The following MSN variants were observed in gnomAD, a reference collection of about 807,000 sequenced individuals.
MSN encodes epididymis luminal protein 70.
A neutral mutation model predicts 48.0 loss-of-function variants in MSN; 2 were observed. The ratio of observed to expected loss-of-function variants is 0.04; its 90% confidence interval spans 0.02 to 0.13. The LOEUF (loss-of-function observed/expected upper bound fraction) is 0.13, where lower values mean the gene tolerates loss of function less well. MSN is among the 10% of genes least tolerant of loss of function. MSN has a pLI of 1.00. For missense variants in MSN, 267 were observed against 470.1 expected, an observed-to-expected ratio of 0.57 and a Z score of 3.99; for synonymous variants, 146 against 166.9, an observed-to-expected ratio of 0.87 and a Z score of 0.97.
chrX:65,592,355 C>T (rs1278853353), intron 1 of MSN, among the ~76,000 whole-genome samples: 1 of 108,433 alleles, frequency 9.2e-6, no homozygotes, highest in Non-Finnish European at 1.9e-5. Context: ...GCCACCACAC[C>T]CAGCTAATTT....
intron 1 of MSN, among the ~76,000 whole-genome samples, chrX:65,660,094 G>T (rs764270483): frequency 2.7e-4 from 30 of 111,653 alleles, no homozygotes; most frequent in Non-Finnish European, 3.2e-4. Context: ...CCTCTGCTCT[G>T]CTCTGGAGAC....
chrX:65,613,915 C>T, intron 1 of MSN, among the ~76,000 whole-genome samples: 2 of 111,947 alleles, frequency 1.8e-5, no homozygotes, highest in Admixed American at 1.9e-4. Context: ...GTTGCAATTG[C>T]TTTTGGTGTT....
chrX:65,599,920 C>T (rs1207254124), intron 1 of MSN, among the ~76,000 whole-genome samples: 2 of 110,531 alleles, frequency 1.8e-5, no homozygotes, highest in African/African-American at 3.3e-5. Flanking sequence ...TGAAGATTCC[C>T]TCTGGCAGGC....
chrX:65,702,735 G>A (rs1385976141), intron 1 of MSN, among the ~76,000 whole-genome samples: 1 of 111,602 alleles, frequency 9.0e-6, no homozygotes, highest in East Asian at 2.8e-4. Flanking sequence ...GGAGTTTGGA[G>A]GTCCCAGTGG....
At chrX:65,646,290 C>T (rs2070694632) in intron 1 of MSN, among the ~76,000 whole-genome samples, 2 of 111,857 alleles carry the variant, frequency 1.8e-5, no homozygotes, top group South Asian at 7.4e-4. Flanking sequence ...GTTTTAACTT[C>T]CTGATCTTCA....
At position 65,589,144 on chromosome X, in the gene MSN, ACT is replaced by A. The variant is rs1234226394; in HGVS notation, c.-22+537_-22+538del. ...TCCCTGTCACTCCCATTTTCACTCC[ACT>A]CTCTATCCCCTGCACTTAGCCTCCC... On this transcript the variant is annotated intron_variant, in intron 1 of 3. Coordinates refer to the MSN transcript ENST00000609672. 4 of 122,887 alleles carry A rather than the reference ACT, an allele frequency of 3.3e-5. No individual in the cohort carries two copies. In the East Asian group the frequency reaches 6.1e-4, roughly 19 times the overall value. The allele number at this position is 122,887 out of a possible 1,213,427, so 10.1% of individuals were successfully genotyped here.
chrX:65,685,530 G>A (rs190513841), intron 1 of MSN, among the ~76,000 whole-genome samples: 1,348 of 112,275 alleles, frequency 0.012, 16 homozygotes, highest in African/African-American at 0.041. Context: ...TGGTCCGATG[G>A]TAGTGGGTTA....
upstream of MSN, among the ~76,000 whole-genome samples, chrX:65,665,401 C>T (rs2070859936): frequency 1.8e-5 from 2 of 111,888 alleles, no homozygotes; most frequent in Admixed American, 9.5e-5. Context: ...GACAACTGCT[C>T]ATGGAGACTG....
intron 1 of MSN, among the ~76,000 whole-genome samples, chrX:65,620,456 G>A (rs2070428538): frequency 8.8e-6 from 1 of 113,886 alleles, no homozygotes; most frequent in Non-Finnish European, 1.9e-5. Flanking sequence ...ATTCGGGTGG[G>A]AGTGACCCGA....
chrX:65,634,558 A>G (rs2070584295), intron 1 of MSN, among the ~76,000 whole-genome samples: 1 of 111,169 alleles, frequency 9.0e-6, no homozygotes. Context: ...GGTTGTAGTG[A>G]GCCGAGATCG....
At chrX:65,613,297 C>T (rs2070337377) in intron 1 of MSN, among the ~76,000 whole-genome samples, 1 of 114,863 alleles carries the variant, frequency 8.7e-6, no homozygotes, top group Non-Finnish European at 1.9e-5. Flanking sequence ...TGGGTTGGTT[C>T]CAAGTCTATG....
chrX:65,648,059 G>A (rs2070708002), intron 1 of MSN, among the ~76,000 whole-genome samples: 1 of 107,274 alleles, frequency 9.3e-6, no homozygotes, highest in African/African-American at 3.4e-5. Flanking sequence ...GACATAGAGA[G>A]AAGCAGACAG....
chrX:65,599,581 C>A (rs778032286), intron 1 of MSN, among the ~76,000 whole-genome samples: 1 of 112,458 alleles, frequency 8.9e-6, no homozygotes, highest in Admixed American at 9.4e-5. Context: ...TGCAGTGAGC[C>A]GAGATAGCGC....
chrX:65,692,933 G>T (rs1419384348), intron 1 of MSN, among the ~76,000 whole-genome samples: 2 of 111,762 alleles, frequency 1.8e-5, no homozygotes, highest in Non-Finnish European at 3.8e-5. Context: ...TCCCACCTCG[G>T]CCAGCGTTGT....
At chrX:65,646,472 G>A (rs1407004425) in intron 1 of MSN, among the ~76,000 whole-genome samples, 1 of 111,538 alleles carries the variant, frequency 9.0e-6, no homozygotes, top group Non-Finnish European at 1.9e-5. Flanking sequence ...ATTATTTTTT[G>A]CCTGAGCTGT....
At chrX:65,633,634 C>T (rs1464265234) in intron 1 of MSN, among the ~76,000 whole-genome samples, 2 of 111,987 alleles carry the variant, frequency 1.8e-5, no homozygotes, top group Non-Finnish European at 3.8e-5. Context: ...CTTGCATTCT[C>T]GGACTGGTCC....
intron 4 of MSN, 59 bp from the exon 5 acceptor site, chrX:65,731,048 C>A: frequency 9.8e-7 from 1 of 1,022,672 alleles, no homozygotes; most frequent in Non-Finnish European, 1.3e-6. Context: ...ATGGGCTTCC[C>A]TTCTCTCCTG....
At chrX:65,669,242 A>T (rs1233017736) in intron 1 of MSN, among the ~76,000 whole-genome samples, 1 of 110,829 alleles carries the variant, frequency 9.0e-6, no homozygotes, top group Non-Finnish European at 1.9e-5. Context: ...GAGAGGGGAA[A>T]ATATCCCATT....
intron 1 of MSN, among the ~76,000 whole-genome samples, chrX:65,669,776 A>G (rs1484781158): frequency 9.0e-6 from 1 of 110,734 alleles, no homozygotes; most frequent in Non-Finnish European, 1.9e-5. Flanking sequence ...TTAAGATCAT[A>G]GAATCTTAAC....
Sources: gnomAD v4.1 joint callset for allele counts (sites outside exome capture counted in the v4.1 genomes callset) on GRCh38, gnomAD v4.1.1 for gene constraint, MANE v1.5 for transcripts, NCBI Gene and HGNC (gene_info 2026-07-23, HGNC 2026-07-21) for gene names.